The following KPNA1 variants were observed in gnomAD, a reference collection of about 807,000 sequenced individuals.
KPNA1 encodes karyopherin subunit alpha 1, also known as importin subunit alpha-5.
A neutral mutation model predicts 70.5 loss-of-function variants in KPNA1; 10 were observed. The ratio of observed to expected loss-of-function variants is 0.14; its 90% CI spans 0.09 to 0.24. The LOEUF (loss-of-function observed/expected upper bound fraction) is 0.24. Ranked by LOEUF, KPNA1 falls within the 10% of genes least tolerant of loss-of-function variation. The probability of loss-of-function intolerance (pLI) is 1.00; values close to 1 mark genes in which losing one functional copy is unlikely to be tolerated. For synonymous variants in KPNA1, 192 were observed against 221.9 expected (o/e 0.87, Z 1.20); for missense variants, 397 against 637.9 (o/e 0.62, Z 4.07).
intron 1 of KPNA1, among the ~76,000 whole-genome samples, chr3:122,512,157 TAGAG>T (rs1216190725): frequency 6.6e-6 from 1 of 151,694 alleles, no homozygotes; most frequent in East Asian, 1.9e-4. Flanking sequence ...AGTCAAAGTA[TAGAG>T]AAACAGGATG....
intron 2 of KPNA1, among the ~76,000 whole-genome samples, chr3:122,488,241 C>G (rs1212896683): frequency 1.3e-5 from 2 of 152,142 alleles, no homozygotes; most frequent in South Asian, 2.1e-4. Context: ...TTATCCGGGA[C>G]TGGGCACAGT....
Position 122,427,029 on chromosome 3 carries a change from T to C in KPNA1, c.1573A>G (p.Ile525Val), listed in dbSNP as rs553380334. 1.7e-5 allele frequency: 28 copies of C among 1,614,200 alleles called. 1 individual carries two copies. In the East Asian group the frequency reaches 4.9e-4, roughly 28 times the overall value. ...ATAGGAGCCTCACACTGTTGGAAGA[T>C]GTACTGCTGCTGGTTAAGGTCAACC... ...PQVDLNQQQYIFQQCEAPMEG... is the reference protein window; with the variant it reads ...PQVDLNQQQYVFQQCEAPMEG... Residue 525 changes from isoleucine to valine, a missense_variant, in exon 14 of 14, where the codon ATC becomes GTC. Transcript: ENST00000344337.
intron 5 of KPNA1, chr3:122,457,933 T>C: frequency 8.6e-7 from 1 of 1,158,580 alleles, no homozygotes; most frequent in African/African-American, 1.6e-5. Context: ...CTGAGTCATC[T>C]GAGCAACTTT....
intron 2 of KPNA1, among the ~76,000 whole-genome samples, chr3:122,493,092 C>T (rs1245977320): frequency 6.6e-6 from 1 of 152,122 alleles, no homozygotes; most frequent in East Asian, 1.9e-4. Context: ...ACATAACAAA[C>T]ACTCAACAGT....
chr3:122,496,331 C>CAA, intron 2 of KPNA1, 106 bp downstream of exon 2: 1 of 910,386 alleles, frequency 1.1e-6, no homozygotes, highest in Non-Finnish European at 1.7e-6. Context: ...CACACACACA[C>CAA]ACACACACAC....
At chr3:122,493,414 T>C (rs898778293) in intron 2 of KPNA1, among the ~76,000 whole-genome samples, 8 of 149,418 alleles carry the variant, frequency 5.4e-5, no homozygotes, top group Middle Eastern at 3.5e-3. Context: ...GAAAAACAGA[T>C]TGAGAAACAA....
intron 2 of KPNA1, among the ~76,000 whole-genome samples, chr3:122,482,773 T>C (rs1264125516): frequency 2.0e-5 from 3 of 152,164 alleles, no homozygotes; most frequent in Admixed American, 1.3e-4. Flanking sequence ...GGGAAAAATC[T>C]GACAAAAGAT....
At chr3:122,476,861 CAAAAAAAAA>C (rs144118691) in intron 2 of KPNA1, among the ~76,000 whole-genome samples, 3 of 65,490 alleles carry the variant, frequency 4.6e-5, no homozygotes, top group African/African-American at 1.2e-4. Flanking sequence ...GGAGGTTCCA[CAAAAAAAAA>C]AAAAAAAAAA....
At chr3:122,468,467 G>A (rs1318524605) in intron 2 of KPNA1, among the ~76,000 whole-genome samples, 1 of 152,162 alleles carries the variant, frequency 6.6e-6, no homozygotes, top group Non-Finnish European at 1.5e-5. Context: ...CATTCTAGGA[G>A]ATCAGCATTA....
chr3:122,489,316 G>T (rs2076670314), intron 2 of KPNA1, among the ~76,000 whole-genome samples: 1 of 150,424 alleles, frequency 6.6e-6, no homozygotes, highest in Non-Finnish European at 1.5e-5. Context: ...TTTTAAGAGG[G>T]TCTCACTCTG....
rs998707947 is a variant in KPNA1, at chr3:122,436,935, G to T, written c.1122+235C>A. Reference sequence around the variant, plus strand: ...TGGGACTACAGGCACCTGCCACTGCGACTGGCTAATTTTTTTGTATTTTTA... The same window carrying T: ...TGGGACTACAGGCACCTGCCACTGCTACTGGCTAATTTTTTTGTATTTTTA... On this transcript the variant is annotated intron_variant, in intron 11 of 13. Transcript: ENST00000344337. 3.9e-5 allele frequency among the ~76,000 whole-genome samples: 6 copies of T among 152,148 alleles called. No individual in the cohort carries two copies. The South Asian group carries it at 8.3e-4, about 21-fold the overall frequency.
At chr3:122,491,290 A>G (rs970518231) in intron 2 of KPNA1, among the ~76,000 whole-genome samples, 2 of 152,266 alleles carry the variant, frequency 1.3e-5, no homozygotes, top group African/African-American at 4.8e-5. Flanking sequence ...GTGATCTTTA[A>G]GTACTACAGG....
At chr3:122,507,258 T>C (rs754862730) in intron 1 of KPNA1, among the ~76,000 whole-genome samples, 4 of 152,102 alleles carry the variant, frequency 2.6e-5, no homozygotes, top group Non-Finnish European at 4.4e-5. Flanking sequence ...CTGGCCAACA[T>C]GGGGAAACCC....
chr3:122,485,067 T>C (rs1379741902), intron 2 of KPNA1, among the ~76,000 whole-genome samples: 2 of 152,214 alleles, frequency 1.3e-5, no homozygotes, highest in East Asian at 1.9e-4. Flanking sequence ...TTTGTTGTTG[T>C]TGCTGTTGTT....
At chr3:122,460,052 A>T in intron 5 of KPNA1, 1 of 985,370 alleles carries the variant, frequency 1.0e-6, no homozygotes, top group Non-Finnish European at 1.2e-6. Flanking sequence ...TTTGGCAAAT[A>T]TTTACTTAGA....
intron 9 of KPNA1, among the ~76,000 whole-genome samples, 199 bp downstream of exon 9, chr3:122,449,375 G>C (rs1397378693): frequency 1.3e-5 from 2 of 152,196 alleles, no homozygotes; most frequent in African/African-American, 4.8e-5. Flanking sequence ...GCTAACAGCA[G>C]AGGACTAAGA....
intron 12 of KPNA1, among the ~76,000 whole-genome samples, chr3:122,430,559 C>CTG (rs113921259): frequency 0.018 from 2,549 of 145,106 alleles, 35 homozygotes; most frequent in African/African-American, 0.03. Context: ...CTCAAATAAA[C>CTG]TGTGTGTGTG....
intron 5 of KPNA1, among the ~76,000 whole-genome samples, chr3:122,455,335 C>G (rs1217551966): frequency 1.3e-5 from 2 of 152,128 alleles, no homozygotes; most frequent in Non-Finnish European, 2.9e-5. Context: ...TTAGTAGCAG[C>G]AGGGAGGCCC....
chr3:122,513,381 C>T (rs1363615344), intron 1 of KPNA1, among the ~76,000 whole-genome samples: 1 of 152,196 alleles, frequency 6.6e-6, no homozygotes, highest in East Asian at 1.9e-4. Flanking sequence ...AAGAATATTT[C>T]AGTAAAAATA....
Sources: gnomAD v4.1 joint callset for allele counts (sites outside exome capture counted in the v4.1 genomes callset) on GRCh38, gnomAD v4.1.1 for gene constraint, MANE v1.5 for transcripts, NCBI Gene and HGNC (gene_info 2026-07-23, HGNC 2026-07-21) for gene names.